WDR93: variants seen among roughly 807,000 people sequenced by gnomAD.
The protein encoded by WDR93 is WD repeat-containing protein 93.
A neutral mutation model predicts 82.9 loss-of-function variants in WDR93; 73 were observed. That is an observed-to-expected ratio of 0.88 (90% CI 0.73 to 1.07). The LOEUF is 1.07. Ranked by LOEUF, WDR93 falls within the 50% of genes least tolerant of loss-of-function variation. The pLI, the probability that WDR93 is intolerant of heterozygous loss-of-function variation, is 0.00. For synonymous variants in WDR93, 283 were observed against 300.1 expected, an observed-to-expected ratio of 0.94 and a Z score of 0.59; for missense variants, 738 against 826.0, an observed-to-expected ratio of 0.89 and a Z score of 1.31.
chr15:89,729,237 T>A, intron 10 of WDR93, 144 bp downstream of exon 10: 1 of 748,282 alleles, frequency 1.3e-6, no homozygotes, highest in Non-Finnish European at 2.3e-6. Flanking sequence ...AGCTGTAGCC[T>A]GTCAGTTTCT....
chr15:89,731,643 C>CTGTTA, intron 12 of WDR93, 81 bp downstream of exon 12: 1 of 1,582,430 alleles, frequency 6.3e-7, no homozygotes, highest in Non-Finnish European at 8.6e-7. Context: ...TTCCCACAGG[C>CTGTTA]CCTGGGCCTT....
chr15:89,693,612 T>C (rs1330948898), intron 1 of WDR93, among the ~76,000 whole-genome samples: 1 of 152,180 alleles, frequency 6.6e-6, no homozygotes, highest in Non-Finnish European at 1.5e-5. Flanking sequence ...GAAACAAACA[T>C]TTAATAAATA....
intron 10 of WDR93, 117 bp downstream of exon 10, chr15:89,729,210 A>G: frequency 2.0e-6 from 2 of 1,002,316 alleles, no homozygotes; most frequent in Non-Finnish European, 3.1e-6. Context: ...GGGAATGAAG[A>G]GGGGAGTTTG....
chr15:89,714,033 G>A (rs1596087659), intron 5 of WDR93, among the ~76,000 whole-genome samples: 1 of 152,200 alleles, frequency 6.6e-6, no homozygotes, highest in East Asian at 1.9e-4. Context: ...TATAGAAGCT[G>A]AGCATGTTTC....
At chr15:89,694,362 G>A (rs1033921008) in intron 1 of WDR93, among the ~76,000 whole-genome samples, 4 of 150,978 alleles carry the variant, frequency 2.6e-5, no homozygotes, top group East Asian at 2.0e-4. Context: ...AGCCCCCCGA[G>A]TAGCTGGGAC....
intron 5 of WDR93, among the ~76,000 whole-genome samples, chr15:89,712,359 A>ATT (rs60495979): frequency 1.7e-3 from 202 of 122,376 alleles, no homozygotes; most frequent in African/African-American, 5.2e-3. Flanking sequence ...TTAACTACAG[A>ATT]TTTTTTTTTT....
chr15:89,705,247 G>C (rs1965673727), intron 3 of WDR93: 1 of 353,216 alleles, frequency 2.8e-6, no homozygotes, highest in East Asian at 6.2e-5. Context: ...GGGATGGTGT[G>C]CTCAATCAGG....
intron 1 of WDR93, among the ~76,000 whole-genome samples, chr15:89,696,645 T>A (rs779890091): frequency 2.0e-5 from 3 of 151,726 alleles, no homozygotes; most frequent in Non-Finnish European, 4.4e-5. Context: ...CAGGTGCACA[T>A]CACCACACCC....
chr15:89,722,383 T>C (rs1353476553), intron 8 of WDR93, among the ~76,000 whole-genome samples: 1 of 152,266 alleles, frequency 6.6e-6, no homozygotes, highest in African/African-American at 2.4e-5. Flanking sequence ...ATATCTTTTC[T>C]GAATTGCCAG....
chr15:89,721,149 C>T (rs912542805), intron 7 of WDR93: 2 of 152,148 alleles, frequency 1.3e-5, no homozygotes, highest in Non-Finnish European at 2.9e-5. Flanking sequence ...TCTTTTGATT[C>T]ATTTTAGCAA....
chr15:89,702,458 T>G (rs1377820305), intron 2 of WDR93, among the ~76,000 whole-genome samples: 1 of 152,192 alleles, frequency 6.6e-6, no homozygotes, highest in Non-Finnish European at 1.5e-5. Context: ...CTCTATTCTC[T>G]TTGCCCTAAC....
At chr15:89,729,649 C>A (rs186304849) in intron 10 of WDR93, 34 bp from the exon 11 acceptor site, 1 of 1,556,566 alleles carries the variant, frequency 6.4e-7, no homozygotes, top group East Asian at 2.2e-5. Flanking sequence ...CTGTGTAACA[C>A]CCATTTTCTG....
chr15:89,697,099 G>A (rs1385838934), intron 1 of WDR93, among the ~76,000 whole-genome samples: 1 of 152,062 alleles, frequency 6.6e-6, no homozygotes, highest in African/African-American at 2.4e-5. Flanking sequence ...TGGGACTGAG[G>A]TGCACGCCAC....
chr15:89,721,248 G>C (rs889021495), intron 7 of WDR93: 6 of 152,100 alleles, frequency 3.9e-5, no homozygotes, highest in African/African-American at 1.4e-4. Flanking sequence ...TATGGTTTCA[G>C]ATAGTGTTTC....
At chr15:89,729,573 G>T in intron 10 of WDR93, 110 bp from the exon 11 acceptor site, 2 of 798,766 alleles carry the variant, frequency 2.5e-6, no homozygotes, top group South Asian at 3.2e-5. Context: ...AACCACTTCA[G>T]ACTTCAAACC....
At chr15:89,725,679 C>T (rs576923058) in intron 8 of WDR93, among the ~76,000 whole-genome samples, 1 of 152,058 alleles carries the variant, frequency 6.6e-6, no homozygotes, top group African/African-American at 2.4e-5. Flanking sequence ...CCTCCCACCT[C>T]AGCCTCCCAA....
intron 4 of WDR93, among the ~76,000 whole-genome samples, chr15:89,708,025 G>T (rs1188930770): frequency 6.6e-6 from 1 of 152,184 alleles, no homozygotes; most frequent in Admixed American, 6.5e-5. Flanking sequence ...TTAAGTGAAA[G>T]AAGTCAGATA....
In WDR93 at chr15:89,729,071, A is replaced by G. The variant is rs568423490; in HGVS notation, c.1101A>G (p.Pro367=). ...TTCCTAGCTGCCTATTTGCAATGCC[A>G]CCGGAAGTCAAGGGCCCCTCAGGTA... is the stretch of plus-strand genomic sequence containing the variant. ...FLLPSCLFAM[P]PEVKGPSGMA... The change falls in exon 10 of 17, where the codon CCA becomes CCG. Residue 367 remains proline, a synonymous_variant. Coordinates refer to ENST00000268130, the MANE Select transcript of WDR93 (RefSeq NM_020212.2). 1.6e-5 allele frequency: 26 copies of G among 1,614,018 alleles called. No individual in the cohort carries two copies. The East Asian group carries it at 2.7e-4, about 17-fold the overall frequency.
intron 1 of WDR93, among the ~76,000 whole-genome samples, chr15:89,700,470 C>A (rs1965400495): frequency 6.6e-6 from 1 of 151,866 alleles, no homozygotes; most frequent in Non-Finnish European, 1.5e-5. Flanking sequence ...ATATTAAGCA[C>A]CTTAAAATTT....
Sources: gnomAD v4.1 joint callset for allele counts (sites outside exome capture counted in the v4.1 genomes callset) on GRCh38, gnomAD v4.1.1 for gene constraint, MANE v1.5 for transcripts, NCBI Gene and HGNC (gene_info 2026-07-23, HGNC 2026-07-21) for gene names.